The following LRCH3 variants were observed in gnomAD, a reference collection of about 807,000 sequenced individuals.
The protein encoded by LRCH3 is leucine rich repeats and calponin homology domain containing 3, also known as DISP complex protein LRCH3.
LRCH3 carries 68 observed loss-of-function variants against 104.5 expected under a neutral mutation model. That is an observed-to-expected ratio of 0.65 (90% CI 0.54 to 0.80). LRCH3 has a LOEUF of 0.80. Among genes scored for constraint, LRCH3 ranks in the 30% least tolerant of loss-of-function variants. The probability of loss-of-function intolerance (pLI) is 0.00; values close to 1 mark genes in which losing one functional copy is unlikely to be tolerated. For missense variants in LRCH3, 951 were observed against 953.9 expected, an observed-to-expected ratio of 1.00 and a Z score of 0.04; for synonymous variants, 344 against 361.3, an observed-to-expected ratio of 0.95 and a Z score of 0.54.
intron 4 of LRCH3, among the ~76,000 whole-genome samples, chr3:197,824,361 C>CA (rs1553917789): frequency 7.3e-6 from 1 of 137,842 alleles, no homozygotes; most frequent in Non-Finnish European, 1.5e-5. Flanking sequence ...CCACGCCCGG[C>CA]TTTTTTTTTT....
chr3:197,874,550 T>C (rs1489342780), intron 19 of LRCH3, among the ~76,000 whole-genome samples: 2 of 152,122 alleles, frequency 1.3e-5, no homozygotes. Context: ...ATAATAGAAA[T>C]AAAATACACA....
chr3:197,880,067 T>G (rs1322480804), intron 20 of LRCH3, among the ~76,000 whole-genome samples: 26 of 148,980 alleles, frequency 1.7e-4, no homozygotes, highest in Middle Eastern at 3.4e-3. Flanking sequence ...TGCCTCAGCC[T>G]CCCGAGTAGC....
At position 197,879,377 on chromosome 3, in the gene LRCH3, T is replaced by C. The variant is rs188243531; in HGVS notation, c.2208+3602T>C. Among the ~76,000 whole-genome samples, 1,286 of 152,280 alleles carry C rather than the reference T, an allele frequency of 8.4e-3. 13 individuals carry two copies. The highest frequency in any genetic ancestry group is 0.012 in the African/African-American group (515 of 41,548). ...ATAGACACCCCCTGGCCGGGCGCGG[T>C]GGCTCACGCCTGTAATCCCAGCACT... On this transcript the variant is annotated intron_variant, in intron 20 of 20. Transcript: ENST00000425562.
chr3:197,869,059 T>A lies in LRCH3; in HGVS notation c.1874-1101T>A, dbSNP rs552756807. ...AACATTACATATTTTTCTATACTAT[T>A]CTCTGTTGTGTATATTTGAAAATCT... On this transcript the variant is annotated intron_variant, in intron 17 of 20. Transcript: ENST00000425562. Among the ~76,000 whole-genome samples the A allele has an allele frequency of 3.3e-5, 5 of 152,358 alleles. No individual in the cohort carries two copies. In the South Asian group the frequency reaches 8.3e-4, roughly 25 times the overall value.
At position 197,792,577 on chromosome 3, in the gene LRCH3, T is replaced by TTATGTATATATATATATATATATATA. The variant is rs1352243221; in HGVS notation, c.262+1040_262+1041insGTATATATATATATATATATATATAT. ...CAGCCGCCACCACGCCCAGCTAATT[T>TTATGTATATATATATATATATATATA]TATATATATATATATATATATATAT... On this transcript the variant is annotated intron_variant, in intron 1 of 20. Coordinates refer to ENST00000425562, the MANE Select transcript of LRCH3 (RefSeq NM_001365715.1). Among the ~76,000 whole-genome samples the TTATGTATATATATATATATATATATA allele has an allele frequency of 3.0e-4, 6 of 20,330 alleles. 1 individual carries two copies. Among genetic ancestry groups the TTATGTATATATATATATATATATATA allele is most frequent in the Non-Finnish European group, 7.1e-4 (6 of 8,482 alleles). 13.3% of individuals were successfully genotyped at this position (20,330 alleles called of 152,430 possible). A position where few individuals can be genotyped will look rare whatever the true frequency, so the allele number is the denominator to read the frequency against.
rs1226442344 is a variant in LRCH3 at position 197,886,498 on chromosome 3, G to C, written c.*2832G>C. The C allele has an allele frequency of 6.6e-6, 1 of 152,104 alleles. No individual in the cohort carries two copies. The highest frequency in any genetic ancestry group is 1.5e-5 in the Non-Finnish European group (1 of 68,024). 9.4% of individuals were successfully genotyped at this position (152,104 alleles called of 1,614,324 possible). On this transcript the variant is annotated 3_prime_UTR_variant, in exon 21 of 21. Coordinates refer to ENST00000425562, the MANE Select transcript of LRCH3 (RefSeq NM_001365715.1). ...TAACTTGTTTAGAATTTAGCCATGT[G>C]CATTTTTAAACTGTGTTTGTCAACA...
intron 20 of LRCH3, chr3:197,881,804 T>A: frequency 2.0e-6 from 2 of 985,384 alleles, no homozygotes; most frequent in East Asian, 1.1e-4. Context: ...GAGCATAATA[T>A]CCGGTTTAGA....
chr3:197,870,135 G>T, intron 17 of LRCH3, 25 bp from the exon 18 acceptor site: 3 of 1,608,038 alleles, frequency 1.9e-6, no homozygotes, highest in Non-Finnish European at 2.5e-6. Context: ...TTGCCTTTCT[G>T]TCTTACATAT....
chr3:197,792,594 TA>T (rs1303413039), intron 1 of LRCH3, among the ~76,000 whole-genome samples: 1 of 72,882 alleles, frequency 1.4e-5, no homozygotes, highest in Non-Finnish European at 2.8e-5. Context: ...TATATATATA[TA>T]TATATATATA....
At position 197,884,097 on chromosome 3, in the gene LRCH3, C is replaced by G. The variant is rs562184439; in HGVS notation, c.*431C>G. 1 of 157,172 alleles carries G rather than the reference C, an allele frequency of 6.4e-6. No homozygotes were observed. The highest frequency in any genetic ancestry group is 2.4e-5 in the African/African-American group (1 of 41,572). The allele number at this position is 157,172 out of a possible 1,614,324, so 9.7% of individuals were successfully genotyped here. A position where few individuals can be genotyped will look rare whatever the true frequency, so the allele number is the denominator to read the frequency against. The stretch of plus-strand genomic sequence containing the variant: ...TGGAGTATTTGTTAAAATACAGATT[C>G]ACATTCAGTAGAGCTGGGGTAAGGC... On this transcript the variant is annotated 3_prime_UTR_variant, in exon 21 of 21. Transcript: ENST00000425562.
intron 10 of LRCH3, among the ~76,000 whole-genome samples, chr3:197,844,837 C>T (rs9757141): frequency 0.099 from 15,044 of 151,274 alleles, 1,510 homozygotes; most frequent in Admixed American, 0.23. Context: ...ACCAGGATGG[C>T]CTCTTATCTC....
Position 197,792,606 on chromosome 3 carries a change from A to ATATAT in LRCH3, c.262+1066_262+1067insTATAT, listed in dbSNP as rs1233845852. 1.6e-4 allele frequency among the ~76,000 whole-genome samples: 6 copies of ATATAT among 37,980 alleles called. 1 individual carries two copies. Among genetic ancestry groups the ATATAT allele is most frequent in the African/African-American group, 3.2e-4 (5 of 15,554 alleles). The allele number at this position is 37,980 out of a possible 152,430, so 24.9% of individuals were successfully genotyped here. A position where few individuals can be genotyped will look rare whatever the true frequency, so the allele number is the denominator to read the frequency against. On this transcript the variant is annotated intron_variant, in intron 1 of 20. Coordinates refer to ENST00000425562, the MANE Select transcript of LRCH3 (RefSeq NM_001365715.1). Reference sequence around the variant, plus strand: ...ATATATATATATATATATATATATAAAATATACATATATATATAATATACA... The same window carrying ATATAT: ...ATATATATATATATATATATATATAATATATAATATACATATATATATAATATACA...
intron 1 of LRCH3, among the ~76,000 whole-genome samples, chr3:197,805,794 AAG>A (rs1732414383): frequency 6.6e-6 from 1 of 152,154 alleles, no homozygotes; most frequent in African/African-American, 2.4e-5. Context: ...TCTAGGGGAA[AAG>A]AGAAAAGATT....
In LRCH3 at chr3:197,837,044, G is replaced by A. The variant is rs576473490; in HGVS notation, c.1251+1222G>A. Among the ~76,000 whole-genome samples, 19 of 152,106 alleles carry A rather than the reference G, an allele frequency of 1.2e-4. No homozygotes were observed. In the East Asian group the frequency reaches 2.5e-3, roughly 20 times the overall value. On this transcript the variant is annotated intron_variant, in intron 9 of 20. Coordinates refer to ENST00000425562, the MANE Select transcript of LRCH3 (RefSeq NM_001365715.1). Reference sequence around the variant, plus strand: ...TCCTATCTGAATACTTTTGAACACCGTATTTTTTGTTGGTAAAGAGACATA... The same window carrying A: ...TCCTATCTGAATACTTTTGAACACCATATTTTTTGTTGGTAAAGAGACATA...
At chr3:197,848,961 T>C (rs964960609) in intron 12 of LRCH3, among the ~76,000 whole-genome samples, 4 of 152,210 alleles carry the variant, frequency 2.6e-5, no homozygotes, top group African/African-American at 9.6e-5. Context: ...TCTTGTTTTC[T>C]ATAAAAATGC....
intron 3 of LRCH3, among the ~76,000 whole-genome samples, chr3:197,818,100 C>T (rs775457241): frequency 6.6e-6 from 1 of 152,128 alleles, no homozygotes; most frequent in African/African-American, 2.4e-5. Context: ...GGATTACAGG[C>T]GTGAGCCACC....
chr3:197,825,791 A>AT (rs1032166585), intron 4 of LRCH3, among the ~76,000 whole-genome samples: 22 of 151,810 alleles, frequency 1.4e-4, no homozygotes, highest in Admixed American at 3.9e-4. Flanking sequence ...TTTTTCTTAT[A>AT]TTTTTTATTA....
At position 197,828,596 on chromosome 3, in the gene LRCH3, C is replaced by T. The variant is rs113930142; in HGVS notation, c.778-968C>T. Among the ~76,000 whole-genome samples the T allele has an allele frequency of 7.5e-3, 1,145 of 151,920 alleles. 15 individuals carry two copies. The highest frequency in any genetic ancestry group is 0.026 in the African/African-American group (1,077 of 41,424). ...TCCTGACCTCATGATCCACCTGCCT[C>T]GGCCTCCCAAAGTGCTGGGATTACA... On this transcript the variant is annotated intron_variant, in intron 5 of 20. Coordinates refer to ENST00000425562, the MANE Select transcript of LRCH3 (RefSeq NM_001365715.1).
At chr3:197,799,867 G>A (rs1009354590) in intron 1 of LRCH3, among the ~76,000 whole-genome samples, 2 of 150,738 alleles carry the variant, frequency 1.3e-5, no homozygotes, top group Non-Finnish European at 3.0e-5. Flanking sequence ...AGTGAGACTC[G>A]CTCTCAAAAC....
Sources: allele counts gnomAD v4.1 joint callset (sites outside exome capture counted in the v4.1 genomes callset), GRCh38; gene constraint gnomAD v4.1.1; transcripts MANE v1.5; gene names NCBI Gene and HGNC (gene_info 2026-07-23, HGNC 2026-07-21).